RPS24: variants seen among roughly 807,000 people sequenced by gnomAD.
The protein encoded by RPS24 is ribosomal protein S24, also known as small ribosomal subunit protein eS24.
For synonymous variants in RPS24, 72 were observed against 55.6 expected (o/e 1.30, Z -1.31); for missense variants, 100 against 162.5 (o/e 0.62, Z 2.09).
chr10:78,052,278 G>A (rs926448279), intron 4 of RPS24, among the ~76,000 whole-genome samples: 1 of 152,068 alleles, frequency 6.6e-6, no homozygotes, highest in African/African-American at 2.4e-5. Context: ...CACCTGCCTA[G>A]GCCTCCCAAA....
At chr10:78,034,101 A>T (rs983984478) in intron 1 of RPS24, 197 bp downstream of exon 1, 1 of 609,020 alleles carries the variant, frequency 1.6e-6, no homozygotes, top group African/African-American at 1.8e-5. Flanking sequence ...AGACCCGGAC[A>T]CGCTGGGCTT....
chr10:78,034,777 T>TA (rs1847824846), intron 1 of RPS24, among the ~76,000 whole-genome samples: 2 of 152,228 alleles, frequency 1.3e-5, no homozygotes, highest in South Asian at 4.1e-4. Flanking sequence ...TACATGTAGG[T>TA]AGTGAGTACA....
chr10:78,042,325 A>C (rs1241890321), downstream of RPS24, among the ~76,000 whole-genome samples: 1 of 151,998 alleles, frequency 6.6e-6, no homozygotes, highest in Non-Finnish European at 1.5e-5. Flanking sequence ...AGTCCATCCA[A>C]GTGTTTTTTG....
chr10:78,039,472 C>G (rs1057151616), intron 4 of RPS24: 1 of 152,482 alleles, frequency 6.6e-6, no homozygotes, highest in African/African-American at 2.4e-5. Flanking sequence ...CTGGAAAAAT[C>G]AATGCATTTG....
intron 4 of RPS24, among the ~76,000 whole-genome samples, chr10:78,051,371 T>A (rs1014340458): frequency 1.3e-5 from 2 of 152,266 alleles, no homozygotes; most frequent in Non-Finnish European, 2.9e-5. Flanking sequence ...CCGGATTCTT[T>A]CACTCAGCCT....
downstream of RPS24, among the ~76,000 whole-genome samples, chr10:78,043,216 G>C (rs1848005651): frequency 1.3e-5 from 2 of 152,096 alleles, no homozygotes; most frequent in South Asian, 4.1e-4. Flanking sequence ...TGTTAGCCAG[G>C]ATGGTCTCGA....
chr10:78,034,135 C>A, intron 1 of RPS24: 1 of 508,958 alleles, frequency 2.0e-6, no homozygotes, highest in South Asian at 2.0e-5. Context: ...CTGGGCAGTG[C>A]AGGAGCTGTT....
intron 4 of RPS24, among the ~76,000 whole-genome samples, chr10:78,054,047 C>T (rs1446213655): frequency 6.6e-6 from 1 of 152,110 alleles, no homozygotes; most frequent in Non-Finnish European, 1.5e-5. Flanking sequence ...GGGTGAAGGC[C>T]ATACCTTGGT....
rs1037798135 is a variant in RPS24 at position 78,038,015 on chromosome 10, ATCACCT to A, written c.390+716_390+721del. On this transcript the variant is annotated intron_variant, in intron 4 of 5. Transcript: ENST00000372360. Reference sequence around the variant, plus strand: ...GATTGTAAGCACGGTGTGGGGATGCATCACCTTCACTGAGTTTGCTTTGATGATGCT... The same window carrying A: ...GATTGTAAGCACGGTGTGGGGATGCATCACTGAGTTTGCTTTGATGATGCT... 63 of 1,254,668 alleles carry A rather than the reference ATCACCT, an allele frequency of 5.0e-5. No homozygotes were observed. The African/African-American group carries it at 9.9e-4, about 20-fold the overall frequency. The allele number at this position is 1,254,668 out of a possible 1,614,324, so 77.7% of individuals were successfully genotyped here.
chr10:78,037,446 C>T, intron 4 of RPS24, 142 bp downstream of exon 4: 2 of 1,355,862 alleles, frequency 1.5e-6, no homozygotes, highest in Non-Finnish European at 2.0e-6. Context: ...CAGAAGGTAA[C>T]ATGTTTTAAG....
intron 4 of RPS24, 127 bp downstream of exon 4, chr10:78,037,431 G>T: frequency 2.9e-6 from 4 of 1,396,886 alleles, no homozygotes; most frequent in Non-Finnish European, 3.8e-6. Flanking sequence ...TCTTCTTCTG[G>T]ATTACAGAAG....
At chr10:78,050,984 C>T (rs377412040) in intron 4 of RPS24, among the ~76,000 whole-genome samples, 3 of 151,752 alleles carry the variant, frequency 2.0e-5, no homozygotes, top group South Asian at 2.1e-4. Context: ...TGAGGTCAGG[C>T]GTTCGAGACC....
At chr10:78,043,761 G>A (rs74380263), downstream of RPS24, among the ~76,000 whole-genome samples, 399 of 152,324 alleles carry the variant, frequency 2.6e-3, 2 homozygotes, top group African/African-American at 8.3e-3. Context: ...GATCAGTGCA[G>A]GGAGGCTGGG....
At position 78,040,188 on chromosome 10, in the gene RPS24, C is replaced by G; in HGVS notation, c.391-16C>G. 6.2e-7 allele frequency: 1 copy of G among 1,612,990 alleles called. No homozygotes were observed. The highest frequency in any genetic ancestry group is 8.5e-7 in the Non-Finnish European group (1 of 1,179,100). On this transcript the variant is annotated splice_polypyrimidine_tract_variant and intron_variant, in intron 4 of 5. Transcript: ENST00000372360. The stretch of plus-strand genomic sequence containing the variant: ...TTCCCTCCTTTCTCTTTTTCCCTTC[C>G]CCGCCACTGATTCAGTGAGCTGGAG...
chr10:78,048,002 TGA>T (rs1848063069), intron 4 of RPS24, among the ~76,000 whole-genome samples: 1 of 152,164 alleles, frequency 6.6e-6, no homozygotes. Context: ...CACTGTAGGA[TGA>T]GAGAGTGGTG....
At chr10:78,044,876 A>G (rs1848027362), downstream of RPS24, among the ~76,000 whole-genome samples, 1 of 151,796 alleles carries the variant, frequency 6.6e-6, no homozygotes, top group African/African-American at 2.4e-5. Context: ...TTCTTTTCAC[A>G]TGCCGAGTTC....
chr10:78,043,603 C>A (rs558406439), downstream of RPS24, among the ~76,000 whole-genome samples: 17 of 152,208 alleles, frequency 1.1e-4, no homozygotes, highest in South Asian at 2.9e-3. Flanking sequence ...CTGCTGTGTC[C>A]CTGTTCTGCA....
At chr10:78,045,599 A>G (rs1848035312), downstream of RPS24, among the ~76,000 whole-genome samples, 5 of 151,984 alleles carry the variant, frequency 3.3e-5, no homozygotes, top group South Asian at 1.0e-3. Context: ...CTCCTGCCTC[A>G]GTCTTCTGAG....
rs1847793606 is a variant in RPS24 at position 78,033,880 on chromosome 10, T to C, written c.-22T>C. The stretch of plus-strand genomic sequence containing the variant: ...TCGTGGTTCTCTTTTCCTCCTTGGC[T>C]GTCTGAAGATAGATCGCCATCATGG... On this transcript the variant is annotated 5_prime_UTR_variant, in exon 1 of 6. Transcript: ENST00000372360. 2 of 1,613,958 alleles carry C rather than the reference T, an allele frequency of 1.2e-6. No homozygotes were observed. The highest frequency in any genetic ancestry group is 8.5e-7 in the Non-Finnish European group (1 of 1,179,982).
Sources: allele counts gnomAD v4.1 joint callset (sites outside exome capture counted in the v4.1 genomes callset), GRCh38; gene constraint gnomAD v4.1.1; transcripts MANE v1.5; gene names NCBI Gene and HGNC (gene_info 2026-07-23, HGNC 2026-07-21).